The following ZFPM1 variants were observed in gnomAD, a reference collection of about 807,000 sequenced individuals.
The protein encoded by ZFPM1 is zinc finger protein, FOG family member 1.
ZFPM1 carries 28 observed loss-of-function variants against 46.3 expected under a neutral mutation model. The observed-to-expected ratio is 0.60, with a 90% CI of 0.45 to 0.83. The LOEUF is 0.83. Among genes scored for constraint, ZFPM1 ranks in the 40% least tolerant of loss-of-function variants. The pLI is 0.00. For missense variants in ZFPM1, 1,878 were observed against 1,432.4 expected (o/e 1.31, Z -5.02); for synonymous variants, 957 against 675.9 (o/e 1.42, Z -6.45).
At chr16:88,465,647 AG>A (rs1031859485) in intron 1 of ZFPM1, among the ~76,000 whole-genome samples, 5 of 152,074 alleles carry the variant, frequency 3.3e-5, no homozygotes, top group African/African-American at 1.2e-4. Flanking sequence ...CCAGCTGGGG[AG>A]GGGGAGGGGC....
intron 1 of ZFPM1, among the ~76,000 whole-genome samples, chr16:88,481,167 G>A (rs1420369583): frequency 1.3e-5 from 2 of 152,218 alleles, no homozygotes; most frequent in African/African-American, 2.4e-5. Context: ...TAACCAAGGG[G>A]CTCCGGGCAC....
At chr16:88,515,362 C>T (rs989297109) in intron 4 of ZFPM1, among the ~76,000 whole-genome samples, 14 of 152,218 alleles carry the variant, frequency 9.2e-5, no homozygotes, top group African/African-American at 3.1e-4. Context: ...CTGGAGTCTC[C>T]TGCCTTTATG....
intron 1 of ZFPM1, among the ~76,000 whole-genome samples, chr16:88,479,768 C>T (rs1220177977): frequency 1.3e-5 from 2 of 148,750 alleles, no homozygotes; most frequent in Non-Finnish European, 3.0e-5. Flanking sequence ...TCTCTTCTGC[C>T]TCCCCAGCCC....
intron 1 of ZFPM1, among the ~76,000 whole-genome samples, chr16:88,454,142 G>C (rs928227186): frequency 3.3e-5 from 5 of 152,214 alleles, no homozygotes; most frequent in Non-Finnish European, 7.4e-5. Context: ...TTTGTATCTA[G>C]AAGCGAAGAG....
rs376348043 is a variant in ZFPM1 at position 88,528,369 on chromosome 16, G to A, written c.712+131G>A. On this transcript the variant is annotated intron_variant, in intron 6 of 9. Transcript: ENST00000319555. ...TGCCGACAGAGTGAGAGGTAAGGCA[G>A]GGAAGGAGGTGACGTGGGTGGTCCC... 62 of 1,094,984 alleles carry A rather than the reference G, an allele frequency of 5.7e-5. No homozygotes were observed. In the African/African-American group the frequency reaches 7.9e-4, roughly 14 times the overall value. 67.8% of individuals were successfully genotyped at this position (1,094,984 alleles called of 1,614,324 possible). A position where few individuals can be genotyped will look rare whatever the true frequency, so the allele number is the denominator to read the frequency against.
chr16:88,525,925 T>G, intron 4 of ZFPM1, among the ~76,000 whole-genome samples: 1 of 152,234 alleles, frequency 6.6e-6, no homozygotes, highest in East Asian at 1.9e-4. Flanking sequence ...AGACTTAGCC[T>G]GAGCCACCGC....
intron 5 of ZFPM1, among the ~76,000 whole-genome samples, chr16:88,527,777 C>G (rs1035386190): frequency 3.3e-5 from 5 of 151,714 alleles, no homozygotes; most frequent in Admixed American, 6.6e-5. Flanking sequence ...CACGTCATCC[C>G]TTTCCTGGGA....
chr16:88,460,798 C>T (rs1421261579), intron 1 of ZFPM1, among the ~76,000 whole-genome samples: 1 of 152,198 alleles, frequency 6.6e-6, no homozygotes, highest in Admixed American at 6.5e-5. Flanking sequence ...GGAAGAGGAC[C>T]TGACTTATTC....
intron 1 of ZFPM1, among the ~76,000 whole-genome samples, chr16:88,484,918 G>A (rs1173041320): frequency 6.6e-6 from 1 of 152,326 alleles, no homozygotes; most frequent in East Asian, 1.9e-4. Flanking sequence ...GACTCCTGGA[G>A]TTCCCCCACC....
intron 1 of ZFPM1, among the ~76,000 whole-genome samples, chr16:88,484,584 G>T (rs371411364): frequency 2.6e-5 from 4 of 152,226 alleles, no homozygotes; most frequent in Admixed American, 1.3e-4. Context: ...GTGTCGGGAG[G>T]CTCTGCCCCC....
At chr16:88,509,084 A>G (rs1469412498) in intron 3 of ZFPM1, among the ~76,000 whole-genome samples, 1 of 151,968 alleles carries the variant, frequency 6.6e-6, no homozygotes, top group Non-Finnish European at 1.5e-5. Context: ...GTGTCTGTAC[A>G]GGATGTGTTG....
At chr16:88,458,669 C>G (rs1168170932) in intron 1 of ZFPM1, among the ~76,000 whole-genome samples, 1 of 152,204 alleles carries the variant, frequency 6.6e-6, no homozygotes, top group Non-Finnish European at 1.5e-5. Flanking sequence ...TGGACCCGGC[C>G]CGGCCACACT....
Position 88,535,845 on chromosome 16 carries a change from C to T in ZFPM1, c.*866C>T, listed in dbSNP as rs1828999488. 3 of 152,280 alleles carry T rather than the reference C, an allele frequency of 2.0e-5. No individual in the cohort carries two copies. Among genetic ancestry groups the T allele is most frequent in the African/African-American group, 4.8e-5 (2 of 41,434 alleles). The allele number at this position is 152,280 out of a possible 1,614,324, so 9.4% of individuals were successfully genotyped here. A position where few individuals can be genotyped will look rare whatever the true frequency, so the allele number is the denominator to read the frequency against. On this transcript the variant is annotated 3_prime_UTR_variant, in exon 10 of 10. Transcript: ENST00000319555. ...ATGGGCCGGCCACACTGAGGGAGTA[C>T]TTGGCTGACCGCGTTCAGCCACGGT... is the stretch of plus-strand genomic sequence containing the variant.
At chr16:88,464,013 C>T (rs1908014951) in intron 1 of ZFPM1, among the ~76,000 whole-genome samples, 1 of 152,194 alleles carries the variant, frequency 6.6e-6, no homozygotes. Context: ...GATGGGGCTC[C>T]AGCCAGCCAG....
At chr16:88,523,752 G>A (rs370471796) in intron 4 of ZFPM1, among the ~76,000 whole-genome samples, 24 of 152,180 alleles carry the variant, frequency 1.6e-4, no homozygotes, top group Non-Finnish European at 2.4e-4. Flanking sequence ...CAGGGTGGCC[G>A]GAGCTGCTTA....
chr16:88,533,911 G>T lies in ZFPM1; in HGVS notation c.1953G>T (p.Ala651=). 1 of 1,141,518 alleles carries T rather than the reference G, an allele frequency of 8.8e-7. No homozygotes were observed. The highest frequency in any genetic ancestry group is 1.1e-6 in the Non-Finnish European group (1 of 919,972). 70.7% of individuals were successfully genotyped at this position (1,141,518 alleles called of 1,614,324 possible). A position where few individuals can be genotyped will look rare whatever the true frequency, so the allele number is the denominator to read the frequency against. ...PGAREEGAGG[A]ATPEDGAGGR... Reference sequence around the variant, plus strand: ...CGCGCGAGGAGGGGGCTGGGGGCGCGGCCACGCCCGAGGACGGCGCGGGCG... The same window carrying T: ...CGCGCGAGGAGGGGGCTGGGGGCGCTGCCACGCCCGAGGACGGCGCGGGCG... The change falls in exon 10 of 10, where the codon GCG becomes GCT. Residue 651 remains alanine, a synonymous_variant. Coordinates refer to ENST00000319555, the MANE Select transcript of ZFPM1 (RefSeq NM_153813.3).
chr16:88,453,815 T>C, intron 1 of ZFPM1, 137 bp downstream of exon 1: 2 of 460,904 alleles, frequency 4.3e-6, no homozygotes, highest in Non-Finnish European at 5.8e-6. Flanking sequence ...CCCCGCGCTG[T>C]GCCAAGCGCG....
chr16:88,522,663 C>T (rs1000827338), intron 4 of ZFPM1, among the ~76,000 whole-genome samples: 2 of 152,374 alleles, frequency 1.3e-5, no homozygotes, highest in Middle Eastern at 3.4e-3. Context: ...AAACAAGGAA[C>T]ATTCTCAGGT....
At chr16:88,521,296 C>G (rs941908216) in intron 4 of ZFPM1, among the ~76,000 whole-genome samples, 2 of 151,238 alleles carry the variant, frequency 1.3e-5, no homozygotes, top group African/African-American at 4.9e-5. Context: ...TGACTCAGCT[C>G]CCCAAGCCCA....
Sources: gnomAD v4.1 joint callset for allele counts (sites outside exome capture counted in the v4.1 genomes callset) on GRCh38, gnomAD v4.1.1 for gene constraint, MANE v1.5 for transcripts, NCBI Gene and HGNC (gene_info 2026-07-23, HGNC 2026-07-21) for gene names.